The following GPC6 variants were observed in gnomAD, a reference collection of about 807,000 sequenced individuals.
GPC6 encodes the protein glypican-6.
Under a neutral mutation model 55.2 loss-of-function variants are expected in GPC6, and 14 were observed. The observed-to-expected ratio is 0.25, with a 90% confidence interval of 0.17 to 0.40. GPC6 has a LOEUF of 0.40. Among genes scored for constraint, GPC6 ranks in the 10% least tolerant of loss-of-function variants. GPC6 has a pLI of 1.00. For synonymous variants in GPC6, 278 were observed against 259.6 expected, an observed-to-expected ratio of 1.07 and a Z score of -0.68; for missense variants, 641 against 708.5, an observed-to-expected ratio of 0.90 and a Z score of 1.08.
chr13:93,535,025 T>G (rs536880257), intron 1 of GPC6, among the ~76,000 whole-genome samples: 13 of 152,176 alleles, frequency 8.5e-5, no homozygotes, highest in Non-Finnish European at 1.8e-4. Flanking sequence ...AACTTTCCAA[T>G]AAAGATTTGA....
In GPC6 at chr13:94,067,578, T is replaced by G. The variant is rs370874596; in HGVS notation, c.877+39684T>G. On this transcript the variant is annotated intron_variant, in intron 4 of 8. Coordinates refer to ENST00000377047, the MANE Select transcript of GPC6 (RefSeq NM_005708.5). ...GTCCATGAGAGATAGATAGATAGAT[T>G]ATAGATAGATAGATAGATAGATAGA... Among the ~76,000 whole-genome samples, 222 of 147,682 alleles carry G rather than the reference T, an allele frequency of 1.5e-3. 1 individual carries two copies. Among genetic ancestry groups the G allele is most frequent in the South Asian group, 4.4e-3 (20 of 4,586 alleles).
intron 5 of GPC6, among the ~76,000 whole-genome samples, chr13:94,300,143 G>A (rs1309097967): frequency 3.3e-5 from 5 of 152,132 alleles, no homozygotes; most frequent in African/African-American, 1.2e-4. Flanking sequence ...TGAGTAGAAA[G>A]TGGGAAGACA....
intron 1 of GPC6, among the ~76,000 whole-genome samples, chr13:93,462,256 T>C (rs1878719121): frequency 6.6e-6 from 1 of 152,160 alleles, no homozygotes; most frequent in Non-Finnish European, 1.5e-5. Context: ...TCAGAACTCA[T>C]AGAGTATATA....
intron 3 of GPC6, among the ~76,000 whole-genome samples, chr13:93,876,409 TAAAC>T (rs1055017487): frequency 6.6e-6 from 1 of 152,044 alleles, no homozygotes; most frequent in African/African-American, 2.4e-5. Context: ...GCCTACTAAA[TAAAC>T]TAACATTTGA....
intron 2 of GPC6, among the ~76,000 whole-genome samples, chr13:93,712,989 TTATA>T (rs913683861): frequency 1.3e-5 from 2 of 151,542 alleles, no homozygotes; most frequent in African/African-American, 4.8e-5. Flanking sequence ...TATAATAAAA[TTATA>T]TATTCACTTC....
intron 2 of GPC6, among the ~76,000 whole-genome samples, chr13:93,818,122 C>T (rs1028987341): frequency 6.9e-6 from 1 of 145,942 alleles, no homozygotes; most frequent in Non-Finnish European, 1.5e-5. Flanking sequence ...TTTATATATA[C>T]ACACACACAT....
At chr13:94,401,983 T>A (rs1473986620) in intron 8 of GPC6, among the ~76,000 whole-genome samples, 1 of 152,100 alleles carries the variant, frequency 6.6e-6, no homozygotes, top group Non-Finnish European at 1.5e-5. Context: ...ATAGACTTTA[T>A]GGATATCTAT....
At chr13:93,413,558 T>C (rs1876589798) in intron 1 of GPC6, among the ~76,000 whole-genome samples, 3 of 67,314 alleles carry the variant, frequency 4.5e-5, no homozygotes. Context: ...TATTTTGTTC[T>C]TTTTTTTTTT....
chr13:93,561,591 A>G (rs1875810171), intron 2 of GPC6, among the ~76,000 whole-genome samples: 1 of 151,950 alleles, frequency 6.6e-6, no homozygotes, highest in South Asian at 2.1e-4. Flanking sequence ...CTATTTGAGT[A>G]TTTGTTTGCA....
At chr13:94,181,464 A>G (rs1888992996) in intron 4 of GPC6, among the ~76,000 whole-genome samples, 2 of 152,302 alleles carry the variant, frequency 1.3e-5, no homozygotes, top group African/African-American at 4.8e-5. Flanking sequence ...TAATTTGTGG[A>G]GATTTTATTT....
At chr13:93,915,872 T>C (rs1171816629) in intron 3 of GPC6, among the ~76,000 whole-genome samples, 1 of 152,102 alleles carries the variant, frequency 6.6e-6, no homozygotes, top group Non-Finnish European at 1.5e-5. Context: ...ACTGCGCAGA[T>C]TGGATTTAGC....
In GPC6 at chr13:94,107,865, C is replaced by G. The variant is rs377243249; in HGVS notation, c.877+79971C>G. ...ACCACCTTACTCCTGCAAGAATGGC[C>G]ATAATAAAAAAAATTTTAAAAAATA... On this transcript the variant is annotated intron_variant, in intron 4 of 8. Transcript: ENST00000377047. Among the ~76,000 whole-genome samples, 42 of 151,776 alleles carry G rather than the reference C, an allele frequency of 2.8e-4. No homozygotes were observed. In the East Asian group the frequency reaches 3.5e-3, roughly 13 times the overall value.
chr13:93,316,448 G>A (rs1406457802), intron 1 of GPC6, among the ~76,000 whole-genome samples: 1 of 151,992 alleles, frequency 6.6e-6, no homozygotes, highest in Non-Finnish European at 1.5e-5. Context: ...TCATAATTAA[G>A]TGTTACAGGA....
chr13:93,882,223 C>T (rs192757748), intron 3 of GPC6, among the ~76,000 whole-genome samples: 3 of 151,912 alleles, frequency 2.0e-5, no homozygotes, highest in Admixed American at 6.6e-5. Context: ...GGCATGATCT[C>T]AACTCACTGC....
At chr13:93,860,340 T>C (rs1442620295) in intron 3 of GPC6, among the ~76,000 whole-genome samples, 1 of 151,686 alleles carries the variant, frequency 6.6e-6, no homozygotes, top group East Asian at 2.0e-4. Context: ...AGACATTAAA[T>C]ACTTTCATGC....
intron 4 of GPC6, among the ~76,000 whole-genome samples, chr13:94,120,382 G>A (rs138256807): frequency 6.6e-6 from 1 of 152,178 alleles, no homozygotes; most frequent in African/African-American, 2.4e-5. Context: ...TAGCTTAAGA[G>A]CATGAGAGTA....
intron 3 of GPC6, among the ~76,000 whole-genome samples, chr13:93,878,479 A>G (rs1874741367): frequency 1.3e-5 from 2 of 152,068 alleles, no homozygotes; most frequent in East Asian, 3.9e-4. Flanking sequence ...TCCTGGGTCA[A>G]GTGATTCTCC....
intron 4 of GPC6, among the ~76,000 whole-genome samples, chr13:94,254,202 C>T (rs1891438080): frequency 6.6e-6 from 1 of 152,146 alleles, no homozygotes; most frequent in Admixed American, 6.5e-5. Context: ...TCTTCCTGAG[C>T]TGTAGGTAAT....
intron 1 of GPC6, among the ~76,000 whole-genome samples, chr13:93,473,588 T>G (rs534798243): frequency 6.6e-6 from 1 of 152,262 alleles, no homozygotes; most frequent in South Asian, 2.1e-4. Flanking sequence ...CATATGCACT[T>G]GGTAGAGCAT....
Sources: gnomAD v4.1 joint callset for allele counts (sites outside exome capture counted in the v4.1 genomes callset) on GRCh38, gnomAD v4.1.1 for gene constraint, MANE v1.5 for transcripts, NCBI Gene and HGNC (gene_info 2026-07-23, HGNC 2026-07-21) for gene names.